DNAJC1: variants seen among roughly 807,000 people sequenced by gnomAD.
DNAJC1 encodes the protein dnaJ homolog subfamily C member 1.
A neutral mutation model predicts 76.6 loss-of-function variants in DNAJC1; 58 were observed. The observed-to-expected ratio is 0.76, with a 90% CI of 0.61 to 0.94. The LOEUF is 0.94. Ranked by LOEUF, DNAJC1 falls within the 40% of genes least tolerant of loss-of-function variation. The probability of loss-of-function intolerance (pLI) is 0.00; values close to 1 mark genes in which losing one functional copy is unlikely to be tolerated. For synonymous variants in DNAJC1, 258 were observed against 267.9 expected, an observed-to-expected ratio of 0.96 and a Z score of 0.36; for missense variants, 689 against 677.3, an observed-to-expected ratio of 1.02 and a Z score of -0.19.
chr10:21,930,526 A>G (rs1837205181), intron 1 of DNAJC1, among the ~76,000 whole-genome samples: 1 of 152,198 alleles, frequency 6.6e-6, no homozygotes, highest in African/African-American at 2.4e-5. Context: ...AAGTGAGGCT[A>G]TAATTAGTCT....
intron 1 of DNAJC1, 151 bp from the exon 2 acceptor site, chr10:21,929,292 G>T: frequency 1.7e-6 from 1 of 580,048 alleles, no homozygotes; most frequent in Non-Finnish European, 3.0e-6. Context: ...ACCAGGCTAT[G>T]CAACAAGCCT....
chr10:21,772,380 A>G (rs1045729824), intron 9 of DNAJC1, among the ~76,000 whole-genome samples: 3 of 142,274 alleles, frequency 2.1e-5, no homozygotes, highest in Admixed American at 7.5e-5. Flanking sequence ...TAGGTTTTTG[A>G]TAACTAATTC....
chr10:21,910,881 G>C (rs1373266241), intron 6 of DNAJC1, among the ~76,000 whole-genome samples: 1 of 135,192 alleles, frequency 7.4e-6, no homozygotes. Flanking sequence ...GGAGAGGAGA[G>C]GAGGAAGGAA....
intron 1 of DNAJC1, among the ~76,000 whole-genome samples, chr10:21,978,990 T>G (rs1838108273): frequency 6.6e-6 from 1 of 152,046 alleles, no homozygotes; most frequent in East Asian, 1.9e-4. Flanking sequence ...TGAATGATCT[T>G]ATATACAATT....
At chr10:21,913,573 C>T (rs944278268) in intron 6 of DNAJC1, among the ~76,000 whole-genome samples, 2 of 152,130 alleles carry the variant, frequency 1.3e-5, no homozygotes, top group African/African-American at 4.8e-5. Flanking sequence ...TTATATGTCA[C>T]CAACTACTTG....
intron 9 of DNAJC1, among the ~76,000 whole-genome samples, chr10:21,795,188 T>G (rs958326269): frequency 1.3e-5 from 2 of 152,206 alleles, no homozygotes; most frequent in African/African-American, 4.8e-5. Context: ...TAATAAGTAC[T>G]ATACAGATTA....
intron 9 of DNAJC1, among the ~76,000 whole-genome samples, chr10:21,774,783 T>C (rs538461693): frequency 6.6e-6 from 1 of 152,330 alleles, no homozygotes; most frequent in Admixed American, 6.5e-5. Context: ...GGCCTAAACA[T>C]ATTAATATAT....
intron 1 of DNAJC1, among the ~76,000 whole-genome samples, chr10:21,978,969 C>G (rs1476598165): frequency 1.3e-5 from 2 of 151,826 alleles, no homozygotes; most frequent in African/African-American, 4.8e-5. Context: ...ACCTCTATGA[C>G]TTTTTTAATT....
chr10:21,844,925 G>A (rs1458536687), intron 8 of DNAJC1, among the ~76,000 whole-genome samples: 2 of 152,142 alleles, frequency 1.3e-5, no homozygotes, highest in African/African-American at 2.4e-5. Context: ...AGCTACCCAG[G>A]AGGCTGGAGC....
rs538301271 is a variant in DNAJC1, at chr10:21,826,237, C to CAA, written c.979-20140_979-20139dup. On this transcript the variant is annotated intron_variant, in intron 8 of 11. Coordinates refer to ENST00000376980, the MANE Select transcript of DNAJC1 (RefSeq NM_022365.4). ...TGGGCAACAAGAATGAGACTTTGTCCAAAAAAAAAAAAGAAGAAGAGGAGA... is the reference window on the plus strand; with the variant it reads ...TGGGCAACAAGAATGAGACTTTGTCCAAAAAAAAAAAAAAGAAGAAGAGGAGA... Among the ~76,000 whole-genome samples, 7 of 77,492 alleles carry CAA rather than the reference C, an allele frequency of 9.0e-5. 1 individual carries two copies. The highest frequency in any genetic ancestry group is 1.3e-4 in the Admixed American group (1 of 7,692). The allele number at this position is 77,492 out of a possible 152,430, so 50.8% of individuals were successfully genotyped here.
intron 1 of DNAJC1, among the ~76,000 whole-genome samples, chr10:21,936,452 A>C (rs959398587): frequency 4.6e-5 from 7 of 152,226 alleles, no homozygotes; most frequent in Admixed American, 2.0e-4. Flanking sequence ...ACATGATTTA[A>C]AAGACAGTTA....
chr10:21,988,273 C>T (rs1217672497), intron 1 of DNAJC1, among the ~76,000 whole-genome samples: 1 of 151,992 alleles, frequency 6.6e-6, no homozygotes, highest in Non-Finnish European at 1.5e-5. Context: ...GCATCAGCTG[C>T]CTATAAGTAA....
intron 9 of DNAJC1, among the ~76,000 whole-genome samples, chr10:21,786,171 A>C (rs1432896551): frequency 6.6e-6 from 1 of 152,006 alleles, no homozygotes; most frequent in African/African-American, 2.4e-5. Flanking sequence ...TTCACGGACT[A>C]TAGAGTTGTT....
chr10:21,902,795 A>G (rs1564822154), intron 7 of DNAJC1, among the ~76,000 whole-genome samples: 1 of 152,212 alleles, frequency 6.6e-6, no homozygotes, highest in Non-Finnish European at 1.5e-5. Context: ...TAATTCTAAC[A>G]CATCTACCAA....
chr10:21,817,292 C>G (rs768931018), intron 8 of DNAJC1, among the ~76,000 whole-genome samples: 1 of 151,618 alleles, frequency 6.6e-6, no homozygotes, highest in African/African-American at 2.4e-5. Flanking sequence ...ATGCTCATCA[C>G]AGCAGTTTTT....
intron 1 of DNAJC1, among the ~76,000 whole-genome samples, chr10:21,947,000 G>GC (rs1238554289): frequency 6.6e-6 from 1 of 152,148 alleles, no homozygotes. Context: ...GGATGATGCA[G>GC]CATGAAGGCC....
At chr10:21,838,773 C>A (rs1379586310) in intron 8 of DNAJC1, among the ~76,000 whole-genome samples, 66 of 152,186 alleles carry the variant, frequency 4.3e-4, no homozygotes, top group Non-Finnish European at 5.9e-5. Context: ...ACAGAACTCT[C>A]CACCCCAAAT....
In DNAJC1 at chr10:21,882,364, T is replaced by G; in HGVS notation, c.896A>C (p.Tyr299Ser). ...TPLETTYIQS[Y>S]DHGTSIEEIE... ...TTCTTCTATGGAAGTTCCATGATCA[T>G]AAGACTGAATATATGTAGTTTCTAA... The change falls in exon 8 of 12, where the codon TAT (tyrosine) becomes TCT (serine). Residue 299 changes from tyrosine (Y) to serine (S), a missense_variant. Coordinates refer to ENST00000376980, the MANE Select transcript of DNAJC1 (RefSeq NM_022365.4). The G allele has an allele frequency of 6.3e-7, 1 of 1,599,108 alleles. No homozygotes were observed. The highest frequency in any genetic ancestry group is 8.5e-7 in the Non-Finnish European group (1 of 1,174,786).
intron 1 of DNAJC1, among the ~76,000 whole-genome samples, chr10:21,938,281 C>G (rs1324558054): frequency 6.6e-6 from 1 of 151,282 alleles, no homozygotes; most frequent in Non-Finnish European, 1.5e-5. Context: ...GAAAACATAC[C>G]ATGCCAAAAC....
Sources: allele counts gnomAD v4.1 joint callset (sites outside exome capture counted in the v4.1 genomes callset), GRCh38; gene constraint gnomAD v4.1.1; transcripts MANE v1.5; gene names NCBI Gene and HGNC (gene_info 2026-07-23, HGNC 2026-07-21).